The following FXYD6 variants were observed in gnomAD, a reference collection of about 807,000 sequenced individuals.
FXYD6 encodes the protein FXYD domain containing ion transport regulator 6, also known as FXYD domain-containing ion transport regulator 6.
In FXYD6, 7 loss-of-function variants were observed where a neutral mutation model predicts 16.7. The observed-to-expected ratio is 0.42, with a 90% confidence interval of 0.24 to 0.79. FXYD6 has a LOEUF of 0.79. Ranked by LOEUF, FXYD6 falls within the 30% of genes least tolerant of loss-of-function variation. The pLI is 0.28. For synonymous variants in FXYD6, 49 were observed against 43.0 expected (o/e 1.14, Z -0.54); for missense variants, 111 against 116.2 (o/e 0.95, Z 0.21).
At chr11:117,875,699 A>C (rs1276505950) in intron 1 of FXYD6, among the ~76,000 whole-genome samples, 3 of 152,176 alleles carry the variant, frequency 2.0e-5, no homozygotes, top group African/African-American at 7.2e-5. Context: ...GGCAGAGAGC[A>C]CACTGGTGGG....
intron 1 of FXYD6, among the ~76,000 whole-genome samples, chr11:117,847,648 AATG>A (rs1229620480): frequency 6.6e-6 from 1 of 151,720 alleles, no homozygotes; most frequent in African/African-American, 2.4e-5. Flanking sequence ...GTTTTCTGAG[AATG>A]ATGGTTTCCA....
chr11:117,864,243 C>T (rs535200682), intron 1 of FXYD6, among the ~76,000 whole-genome samples: 1 of 152,296 alleles, frequency 6.6e-6, no homozygotes, highest in African/African-American at 2.4e-5. Flanking sequence ...TAAGAACAGA[C>T]ATATATACAC....
At chr11:117,858,651 CTTTCTTTCTTT>C (rs1266505553) in intron 1 of FXYD6, among the ~76,000 whole-genome samples, 1 of 70,420 alleles carries the variant, frequency 1.4e-5, no homozygotes, top group Admixed American at 1.6e-4. Context: ...TTCTTTCTTT[CTTTCTTTCTTT>C]CTTTCTTTCT....
intron 1 of FXYD6, among the ~76,000 whole-genome samples, chr11:117,853,876 T>C (rs2056665360): frequency 6.6e-6 from 1 of 152,220 alleles, no homozygotes; most frequent in Admixed American, 6.5e-5. Context: ...TAAGATTGGA[T>C]GATTTTCATT....
At chr11:117,841,284 A>C in intron 4 of FXYD6, 100 bp from the exon 5 acceptor site, 1 of 1,518,806 alleles carries the variant, frequency 6.6e-7, no homozygotes, top group Non-Finnish European at 9.0e-7. Context: ...GGCACCCCCT[A>C]GACCTGGGCA....
intron 1 of FXYD6, among the ~76,000 whole-genome samples, chr11:117,864,591 C>T (rs1470559185): frequency 6.6e-6 from 1 of 151,994 alleles, no homozygotes; most frequent in African/African-American, 2.4e-5. Flanking sequence ...AGACAAATTG[C>T]ACGTTTTTTT....
At chr11:117,871,303 C>T (rs1004386534) in intron 1 of FXYD6, among the ~76,000 whole-genome samples, 12 of 152,184 alleles carry the variant, frequency 7.9e-5, no homozygotes, top group African/African-American at 1.9e-4. Context: ...CCGGGAAGGG[C>T]GACTAGGTGT....
At chr11:117,846,278 T>C (rs1375092424) in intron 1 of FXYD6, among the ~76,000 whole-genome samples, 1 of 152,246 alleles carries the variant, frequency 6.6e-6, no homozygotes, top group African/African-American at 2.4e-5. Flanking sequence ...GAGTTGACAT[T>C]ATTATTGTTG....
intron 1 of FXYD6, among the ~76,000 whole-genome samples, chr11:117,868,743 C>T (rs2057065205): frequency 6.6e-6 from 1 of 152,138 alleles, no homozygotes; most frequent in Non-Finnish European, 1.5e-5. Context: ...AAACTGCATG[C>T]CAGGGGAGAA....
At position 117,842,040 on chromosome 11, in the gene FXYD6, AAC is replaced by A; in HGVS notation, c.59-14_59-13del. The A allele has an allele frequency of 1.2e-6, 2 of 1,614,172 alleles. No individual in the cohort carries two copies. The highest frequency in any genetic ancestry group is 8.5e-7 in the Non-Finnish European group (1 of 1,180,036). On this transcript the variant is annotated splice_polypyrimidine_tract_variant and intron_variant, in intron 2 of 7. Coordinates refer to ENST00000526014, the MANE Select transcript of FXYD6 (RefSeq NM_022003.4). ...CTCCTTTTCAGCTGCTGCAAAAACA[AAC>A]AGTTGGTCAAGAGAAAGAAAGCTAC...
At chr11:117,848,652 G>A (rs892522208) in intron 1 of FXYD6, among the ~76,000 whole-genome samples, 1 of 152,086 alleles carries the variant, frequency 6.6e-6, no homozygotes, top group Non-Finnish European at 1.5e-5. Context: ...AAAATCATCC[G>A]GGCTTGGGAC....
chr11:117,858,701 T>TTCTCTC (rs201736623), intron 1 of FXYD6, among the ~76,000 whole-genome samples: 617 of 58,330 alleles, frequency 0.011, 50 homozygotes, highest in African/African-American at 0.045. Flanking sequence ...CTTTCTTTCT[T>TTCTCTC]TCTCTCTCTC....
In FXYD6 at chr11:117,837,954, G is replaced by C. The variant is rs949603427; in HGVS notation, c.*345C>G. Reference sequence around the variant, plus strand: ...TGGCCATGTGGCTCAGCCCCTGCCTGGGAAAGCGAGTCCACAGTTCACTAA... The same window carrying C: ...TGGCCATGTGGCTCAGCCCCTGCCTCGGAAAGCGAGTCCACAGTTCACTAA... On this transcript the variant is annotated 3_prime_UTR_variant, in exon 8 of 8. Coordinates refer to ENST00000526014, the MANE Select transcript of FXYD6 (RefSeq NM_022003.4). The surrounding 1 kb of genome is among the most constrained non-coding windows in gnomAD (Gnocchi z 4.4). 1.9e-6 allele frequency: 1 copy of C among 513,282 alleles called. No homozygotes were observed. Among genetic ancestry groups the C allele is most frequent in the Non-Finnish European group, 3.5e-6 (1 of 284,578 alleles). The allele number at this position is 513,282 out of a possible 1,614,324, so 31.8% of individuals were successfully genotyped here. A position where few individuals can be genotyped will look rare whatever the true frequency, so the allele number is the denominator to read the frequency against.
chr11:117,875,220 GATGTAT>G (rs1246317343), intron 1 of FXYD6, among the ~76,000 whole-genome samples: 2 of 151,960 alleles, frequency 1.3e-5, no homozygotes, highest in Non-Finnish European at 2.9e-5. Context: ...GTATAGGTAT[GATGTAT>G]ATGTATGTGT....
intron 7 of FXYD6, chr11:117,839,039 C>T (rs564989): frequency 0.68 from 103,321 of 152,674 alleles, 36,366 homozygotes; most frequent in Non-Finnish European, 0.76. Context: ...TGTCATAAAG[C>T]GAGACGCACA....
chr11:117,858,422 A>G (rs1464745674), intron 1 of FXYD6: 2 of 152,216 alleles, frequency 1.3e-5, no homozygotes, highest in South Asian at 2.1e-4. Context: ...CTCCCTCTCC[A>G]TGTCAGGGCT....
intron 1 of FXYD6, among the ~76,000 whole-genome samples, chr11:117,871,787 T>A (rs774967156): frequency 2.6e-5 from 4 of 152,162 alleles, no homozygotes; most frequent in Non-Finnish European, 5.9e-5. Context: ...CTCACACTCA[T>A]TTGACAGGTA....
intron 1 of FXYD6, among the ~76,000 whole-genome samples, chr11:117,848,795 A>G (rs2056537567): frequency 2.0e-5 from 3 of 152,120 alleles, no homozygotes; most frequent in Admixed American, 6.5e-5. Flanking sequence ...TCTGCTTTCA[A>G]ATGTTTTGCC....
chr11:117,847,412 G>A (rs998940012), intron 1 of FXYD6, among the ~76,000 whole-genome samples: 10 of 151,508 alleles, frequency 6.6e-5, no homozygotes, highest in African/African-American at 1.5e-4. Context: ...TGTGCACAAC[G>A]TGCAGGTTTG....
Sources: allele counts gnomAD v4.1 joint callset (sites outside exome capture counted in the v4.1 genomes callset), GRCh38; gene constraint gnomAD v4.1.1; non-coding constraint Gnocchi (gnomAD v3.1); transcripts MANE v1.5; gene names NCBI Gene and HGNC (gene_info 2026-07-23, HGNC 2026-07-21).